The following ATRN variants were observed in gnomAD, a reference collection of about 807,000 sequenced individuals.
ATRN encodes the protein attractin-2.
In ATRN, 54 loss-of-function variants were observed where a neutral mutation model predicts 178.7. The ratio of observed to expected loss-of-function variants is 0.30; its 90% confidence interval spans 0.24 to 0.38. The LOEUF (loss-of-function observed/expected upper bound fraction) is 0.38. Among genes scored for constraint, ATRN ranks in the 10% least tolerant of loss-of-function variants. The pLI is 1.00. For synonymous variants in ATRN, 636 were observed against 663.0 expected (o/e 0.96, Z 0.63); for missense variants, 1,443 against 1,815.1 (o/e 0.79, Z 3.73).
At chr20:3,568,552 T>G (rs535838087) in intron 11 of ATRN, among the ~76,000 whole-genome samples, 1 of 152,298 alleles carries the variant, frequency 6.6e-6, no homozygotes, top group African/African-American at 2.4e-5. Context: ...TTTTCATTTT[T>G]CACAACTCTA....
intron 1 of ATRN, among the ~76,000 whole-genome samples, chr20:3,533,136 A>G (rs1219567399): frequency 6.6e-6 from 1 of 152,212 alleles, no homozygotes; most frequent in African/African-American, 2.4e-5. Flanking sequence ...CCCTGAAGGA[A>G]TTGATGTTCT....
At chr20:3,605,817 A>G (rs769346826) in intron 24 of ATRN, among the ~76,000 whole-genome samples, 2 of 152,198 alleles carry the variant, frequency 1.3e-5, no homozygotes, top group African/African-American at 2.4e-5. Flanking sequence ...TACCTAGGTG[A>G]TGAGATGATG....
intron 19 of ATRN, among the ~76,000 whole-genome samples, chr20:3,592,817 A>G (rs2086468769): frequency 6.6e-6 from 1 of 152,226 alleles, no homozygotes; most frequent in Admixed American, 6.5e-5. Flanking sequence ...CATGTTCCAC[A>G]GGATACTAGT....
chr20:3,571,274 A>C (rs1184292266), intron 11 of ATRN, among the ~76,000 whole-genome samples: 3 of 152,190 alleles, frequency 2.0e-5, no homozygotes, highest in African/African-American at 7.2e-5. Flanking sequence ...CCTGCTGCTC[A>C]AGGTCATCCC....
At position 3,591,216 on chromosome 20, in the gene ATRN, G is replaced by A; in HGVS notation, c.3232G>A (p.Glu1078Lys). 6.2e-7 allele frequency: 1 copy of A among 1,614,184 alleles called. No homozygotes were observed. The highest frequency in any genetic ancestry group is 8.5e-7 in the Non-Finnish European group (1 of 1,180,020). ...TAAATGCATCAATCAGAGCATCTGT[G>A]AGAAGTGTGAGAACCTGACCACAGG... ...HSKCINQSIC[E>K]KCENLTTGKH... is the part of the protein sequence containing the mutation. The change falls in exon 19 of 29, where the codon GAG becomes AAG. Residue 1078 changes from glutamate to lysine, a missense_variant. Glu to Lys is a moderately conservative substitution (Grantham distance 56). Coordinates refer to ENST00000262919, the MANE Select transcript of ATRN (RefSeq NM_139321.3).
intron 22 of ATRN, among the ~76,000 whole-genome samples, chr20:3,599,647 A>G (rs2086580235): frequency 6.6e-6 from 1 of 152,238 alleles, no homozygotes; most frequent in Non-Finnish European, 1.5e-5. Context: ...AAACCTGAGT[A>G]TACAGAGGGT....
intron 11 of ATRN, among the ~76,000 whole-genome samples, chr20:3,566,324 A>G (rs1367405851): frequency 6.6e-6 from 1 of 152,124 alleles, no homozygotes; most frequent in African/African-American, 2.4e-5. Context: ...GCCCTTGGAG[A>G]AGTCTCAGTC....
intron 1 of ATRN, among the ~76,000 whole-genome samples, chr20:3,493,219 C>T (rs1371882924): frequency 6.6e-6 from 1 of 150,786 alleles, no homozygotes; most frequent in Non-Finnish European, 1.5e-5. Context: ...GTGGCATGAT[C>T]TATAGCTCAC....
At chr20:3,644,113 G>C in intron 27 of ATRN, 41 bp from the exon 28 acceptor site, 1 of 1,443,792 alleles carries the variant, frequency 6.9e-7, no homozygotes, top group South Asian at 1.1e-5. Context: ...ATACATTAAA[G>C]CTTGAGTATC....
Position 3,594,575 on chromosome 20 carries a change from G to A in ATRN, c.3416+3G>A. 2 of 1,610,238 alleles carry A rather than the reference G, an allele frequency of 1.2e-6. No homozygotes were observed. The highest frequency in any genetic ancestry group is 1.1e-5 in the South Asian group (1 of 90,518). ...GTCAAGGGGGACGAGTGCCAGCTGT[G>A]AGTACCATACTCCCTGGACCACCAG... On this transcript the variant is annotated splice_donor_region_variant and intron_variant, in intron 20 of 28. Transcript: ENST00000262919.
Position 3,645,644 on chromosome 20 carries a change from C to T in ATRN, c.4166-1079C>T, listed in dbSNP as rs1431097658. ...TGCTCAATGCTTGAGACCCACCCAA[C>T]AGTGGGGCCGTCCTTGCTGCCCCTT... On this transcript the variant is annotated intron_variant, in intron 28 of 28. Coordinates refer to ENST00000262919, the MANE Select transcript of ATRN (RefSeq NM_139321.3). This position sits in a 1 kb window ranked among gnomAD's most constrained non-coding sequence, Gnocchi z 4.7. Among the ~76,000 whole-genome samples the T allele has an allele frequency of 6.6e-6, 1 of 152,118 alleles. No homozygotes were observed. Among genetic ancestry groups the T allele is most frequent in the Non-Finnish European group, 1.5e-5 (1 of 68,006 alleles).
chr20:3,502,235 A>G (rs1027582432), intron 1 of ATRN, among the ~76,000 whole-genome samples: 1 of 152,220 alleles, frequency 6.6e-6, no homozygotes, highest in Non-Finnish European at 1.5e-5. Flanking sequence ...GAGAGAAAAC[A>G]GATAATTGAA....
chr20:3,550,331 A>G (rs1296723756), intron 6 of ATRN, among the ~76,000 whole-genome samples: 2 of 152,112 alleles, frequency 1.3e-5, no homozygotes, highest in Non-Finnish European at 1.5e-5. Flanking sequence ...CCATTGGTCT[A>G]TGTATCTGTT....
In ATRN at chr20:3,638,572, A is replaced by T. The variant is rs542388758; in HGVS notation, c.3943-256A>T. Reference sequence around the variant, plus strand: ...TTGGTTCTAAGTCTTCGCTACTGTAAATAGTGCTGCAATAAACATCGTACG... The same window carrying T: ...TTGGTTCTAAGTCTTCGCTACTGTATATAGTGCTGCAATAAACATCGTACG... On this transcript the variant is annotated intron_variant, in intron 26 of 28. Coordinates refer to ENST00000262919, the MANE Select transcript of ATRN (RefSeq NM_139321.3). The surrounding 1 kb of genome is among the most constrained non-coding windows in gnomAD (Gnocchi z 4.5). Among the ~76,000 whole-genome samples, 1 of 152,314 alleles carries T rather than the reference A, an allele frequency of 6.6e-6. No homozygotes were observed. Among genetic ancestry groups the T allele is most frequent in the South Asian group, 2.1e-4 (1 of 4,826 alleles).
chr20:3,531,571 G>A (rs1261699641), intron 1 of ATRN, among the ~76,000 whole-genome samples: 1 of 152,148 alleles, frequency 6.6e-6, no homozygotes, highest in Non-Finnish European at 1.5e-5. Flanking sequence ...AAATAAATTA[G>A]ACTAATACCA....
chr20:3,640,681 A>G (rs997304476), intron 27 of ATRN, among the ~76,000 whole-genome samples: 1 of 152,268 alleles, frequency 6.6e-6, no homozygotes, highest in Non-Finnish European at 1.5e-5. Context: ...GTATAAAGTG[A>G]TGGAGCCACT....
At chr20:3,608,974 A>G (rs944047353) in intron 24 of ATRN, among the ~76,000 whole-genome samples, 9 of 52,714 alleles carry the variant, frequency 1.7e-4, no homozygotes, top group Non-Finnish European at 2.8e-4. Context: ...TCTCAAAAAA[A>G]AAAAGAAAAA....
intron 1 of ATRN, among the ~76,000 whole-genome samples, chr20:3,511,142 A>G (rs1281321953): frequency 3.3e-5 from 5 of 152,208 alleles, no homozygotes; most frequent in African/African-American, 1.2e-4. Context: ...CTTTAAATGC[A>G]TACATTAAAA....
intron 24 of ATRN, chr20:3,615,849 C>T (rs773108663): frequency 5.1e-5 from 23 of 453,182 alleles, no homozygotes; most frequent in Admixed American, 7.1e-5. Flanking sequence ...ACAATGAGGA[C>T]GCATGGACAC....
Sources: gnomAD v4.1 joint callset for allele counts (sites outside exome capture counted in the v4.1 genomes callset) on GRCh38, gnomAD v4.1.1 for gene constraint, Gnocchi (gnomAD v3.1) non-coding constraint, MANE v1.5 for transcripts, NCBI Gene and HGNC (gene_info 2026-07-23, HGNC 2026-07-21) for gene names.